Variants in RYR1 observed in about 807,000 individuals in gnomAD.
RYR1 encodes the protein central core disease of muscle.
RYR1 carries 342 observed loss-of-function variants against 583.5 expected under a neutral mutation model. That is an observed-to-expected ratio of 0.59 (90% CI 0.54 to 0.64). The LOEUF is 0.64. RYR1 is among the 30% of genes least tolerant of loss of function. RYR1 has a pLI of 0.00. For synonymous variants in RYR1, 2,791 were observed against 2,822.5 expected (o/e 0.99, Z 0.35); for missense variants, 6,032 against 6,917.2 (o/e 0.87, Z 4.54).
chr19:38,537,240 TGCGCCTGCCTCCTC>T (rs1972012647), intron 83 of RYR1: 4 of 225,110 alleles, frequency 1.8e-5, no homozygotes, highest in Admixed American at 5.4e-5. Context: ...CTGCCTCCTC[TGCGCCTGCCTCCTC>T]TGTGCCTGCT....
intron 20 of RYR1, among the ~76,000 whole-genome samples, chr19:38,461,721 G>A (rs954298396): frequency 3.0e-3 from 228 of 74,982 alleles, no homozygotes; most frequent in Middle Eastern, 0.013. Flanking sequence ...GCAAAACCCT[G>A]AAAAAAAAAA....
chr19:38,495,629 A>T (rs11880546), intron 39 of RYR1, among the ~76,000 whole-genome samples: 32,117 of 151,822 alleles, frequency 0.21, 4,508 homozygotes, highest in African/African-American at 0.39. Flanking sequence ...TTACAAGGCA[A>T]AAGCCACCAT....
rs1366142908 is a variant in RYR1, at chr19:38,519,444, GACA to G, written c.10256_10258del (p.Asn3419del). The G allele has an allele frequency of 1.9e-6, 3 of 1,596,618 alleles. No homozygotes were observed. Among genetic ancestry groups the G allele is most frequent in the South Asian group, 1.1e-5 (1 of 88,616 alleles). ...GTATCCGCTGCTCATCCGCTACGTG[GACA>G]ACAACAGGTCAGCGGGGCCCCGCTG... is the stretch of plus-strand genomic sequence containing the variant. On this transcript the variant is annotated inframe_deletion, in exon 67 of 106. Transcript: ENST00000359596.
intron 30 of RYR1, 74 bp downstream of exon 30, chr19:38,477,944 T>C: frequency 6.9e-7 from 1 of 1,448,536 alleles, no homozygotes; most frequent in Non-Finnish European, 9.5e-7. Flanking sequence ...CGACACCAGC[T>C]CTGTGGCTGC....
At chr19:38,552,813 G>A (rs978864616) in intron 89 of RYR1, among the ~76,000 whole-genome samples, 2 of 152,106 alleles carry the variant, frequency 1.3e-5, no homozygotes, top group African/African-American at 4.8e-5. Flanking sequence ...AGAGTCTGGG[G>A]TGGCTACAAG....
chr19:38,565,783 G>A lies in RYR1; in HGVS notation c.13437+12G>A. Reference sequence around the variant, plus strand: ...AGAGGAAATTGGGGGTGAGAGAGCAGGCGGGGTTTTGGGGTTTTGGAAAGA... The same window carrying A: ...AGAGGAAATTGGGGGTGAGAGAGCAAGCGGGGTTTTGGGGTTTTGGAAAGA... On this transcript the variant is annotated intron_variant, in intron 91 of 105. Coordinates refer to ENST00000359596, the MANE Select transcript of RYR1 (RefSeq NM_000540.3). The surrounding 1 kb of genome is among the most constrained non-coding windows in gnomAD (Gnocchi z 4.7). 4 of 1,388,820 alleles carry A rather than the reference G, an allele frequency of 2.9e-6. No homozygotes were observed. In the East Asian group the frequency reaches 1.2e-4, roughly 41 times the overall value. 86.0% of individuals were successfully genotyped at this position (1,388,820 alleles called of 1,614,324 possible).
chr19:38,494,310 G>A (rs1316922613), intron 38 of RYR1, 42 bp from the exon 39 acceptor site: 2 of 1,610,374 alleles, frequency 1.2e-6, no homozygotes, highest in East Asian at 4.5e-5. Context: ...GTGCCGACCT[G>A]CCCTGCATGG....
chr19:38,482,931 T>A, intron 31 of RYR1, 96 bp from the exon 32 acceptor site: 1 of 1,061,962 alleles, frequency 9.4e-7, no homozygotes, highest in Non-Finnish European at 1.5e-6. Context: ...AACGCCCAGA[T>A]GAGGACCTAC....
chr19:38,475,304 C>T lies in RYR1; in HGVS notation c.4161-14C>T, dbSNP rs1438972885. On this transcript the variant is annotated splice_polypyrimidine_tract_variant and intron_variant, in intron 28 of 105. Transcript: ENST00000359596. ...GAAAGCTGGCTCTCATGGCGCCTCTCCTCCCACTACCAGCTTCTTATTCAA... is the reference window on the plus strand; with the variant it reads ...GAAAGCTGGCTCTCATGGCGCCTCTTCTCCCACTACCAGCTTCTTATTCAA... 5 of 1,566,736 alleles carry T rather than the reference C, an allele frequency of 3.2e-6. No individual in the cohort carries two copies. The highest frequency in any genetic ancestry group is 1.4e-5 in the African/African-American group (1 of 73,728).
intron 73 of RYR1, 29 bp downstream of exon 73, chr19:38,527,813 T>C: frequency 6.2e-7 from 1 of 1,606,478 alleles, no homozygotes; most frequent in South Asian, 1.1e-5. Flanking sequence ...GTCTTTCTAC[T>C]GGGTCTCTGG....
intron 53 of RYR1, 84 bp downstream of exon 53, chr19:38,505,482 CAT>C (rs1161884952): frequency 2.1e-5 from 21 of 991,490 alleles, no homozygotes; most frequent in Admixed American, 4.0e-5. Flanking sequence ...GGCAATTTCA[CAT>C]GTTTGCATCT....
At position 38,499,482 on chromosome 19, in the gene RYR1, G is replaced by A. The variant is rs557126875; in HGVS notation, c.7028-153G>A. On this transcript the variant is annotated intron_variant, in intron 43 of 105. Transcript: ENST00000359596. This position sits in a 1 kb window ranked among gnomAD's most constrained non-coding sequence, Gnocchi z 7.3. ...TTACCCCTAGAGGTGTTGGGTCCTGGGGCTGGCAGGGGCCTGGTGTTACCT... is the reference window on the plus strand; with the variant it reads ...TTACCCCTAGAGGTGTTGGGTCCTGAGGCTGGCAGGGGCCTGGTGTTACCT... 2.0e-5 allele frequency among the ~76,000 whole-genome samples: 3 copies of A among 151,780 alleles called. No individual in the cohort carries two copies. In the East Asian group the frequency reaches 5.8e-4, roughly 30 times the overall value.
intron 27 of RYR1, among the ~76,000 whole-genome samples, chr19:38,471,239 C>A (rs2145472951): frequency 6.6e-6 from 1 of 152,312 alleles, no homozygotes; most frequent in South Asian, 2.1e-4. Flanking sequence ...TGCCAAAGAA[C>A]AAAGGCTGGT....
At chr19:38,527,129 C>A in intron 72 of RYR1, 77 bp downstream of exon 72, 1 of 1,522,072 alleles carries the variant, frequency 6.6e-7, no homozygotes, top group South Asian at 1.2e-5. Flanking sequence ...TGAGCATTTA[C>A]CAAAGACCAG....
rs1968081519 is a variant in RYR1 at position 38,466,052 on chromosome 19, G to A, written c.2871-39G>A. ...TATAGTGCAGAGCCCGGAAGTGGAG[G>A]TGAGGGCCTTGTCCCATGGAGCCCT... is the stretch of plus-strand genomic sequence containing the variant. On this transcript the variant is annotated intron_variant, in intron 23 of 105. Transcript: ENST00000359596. The A allele has an allele frequency of 1.9e-6, 3 of 1,576,178 alleles. No individual in the cohort carries two copies. The South Asian group carries it at 3.5e-5, about 18-fold the overall frequency.
intron 78 of RYR1, among the ~76,000 whole-genome samples, chr19:38,533,139 G>A (rs112621603): frequency 0.023 from 3,454 of 152,262 alleles, 94 homozygotes; most frequent in Admixed American, 0.073. Context: ...AGGGCTTCTC[G>A]GAGGAGGGGA....
intron 27 of RYR1, among the ~76,000 whole-genome samples, chr19:38,472,464 C>G (rs527358818): frequency 9.7e-4 from 148 of 152,232 alleles, no homozygotes; most frequent in Non-Finnish European, 1.9e-3. Context: ...GTCCAATTAA[C>G]AAGAGCGAGG....
chr19:38,494,574 T>C lies in RYR1; in HGVS notation c.6497T>C (p.Leu2166Pro), dbSNP rs2145578523. 1 of 1,614,118 alleles carries C rather than the reference T, an allele frequency of 6.2e-7. No individual in the cohort carries two copies. The highest frequency in any genetic ancestry group is 8.5e-7 in the Non-Finnish European group (1 of 1,180,030). The change falls in exon 39 of 106, where the codon CTC (leucine) becomes CCC (proline). Residue 2166 changes from leucine to proline, a missense_variant. By Grantham distance (98) the Leu-to-Pro change is moderately conservative. Coordinates refer to ENST00000359596, the MANE Select transcript of RYR1 (RefSeq NM_000540.3). Reference sequence around the variant, plus strand: ...TGCCTCGGCCAGATCCGCTCGCTGCTCATCGTGCAGATGGGCCCCCAGGAG... The same window carrying C: ...TGCCTCGGCCAGATCCGCTCGCTGCCCATCGTGCAGATGGGCCCCCAGGAG... ...LECLGQIRSL[L>P]IVQMGPQEEN...
At chr19:38,468,673 C>T (rs549338057) in intron 25 of RYR1, among the ~76,000 whole-genome samples, 32 of 152,318 alleles carry the variant, frequency 2.1e-4, no homozygotes, top group African/African-American at 7.7e-4. Flanking sequence ...ACTGCTGCTT[C>T]CAGCCCCCCA....
Sources: allele counts gnomAD v4.1 joint callset (sites outside exome capture counted in the v4.1 genomes callset), GRCh38; gene constraint gnomAD v4.1.1; non-coding constraint Gnocchi (gnomAD v3.1); transcripts MANE v1.5; gene names NCBI Gene and HGNC (gene_info 2026-07-23, HGNC 2026-07-21).